Variants in GNG2 observed in about 807,000 individuals in gnomAD.
GNG2 encodes the protein G protein subunit gamma 2, also known as guanine nucleotide-binding protein G(I)/G(S)/G(O) subunit gamma-2.
In GNG2, 5 loss-of-function variants were observed where a neutral mutation model predicts 5.5. That is an observed-to-expected ratio of 0.91 (90% CI 0.48 to 1.92). GNG2 has a LOEUF of 1.92. GNG2 is among the 30% of genes most tolerant of loss of function. The pLI is 0.01. For missense variants in GNG2, 55 were observed against 88.4 expected (o/e 0.62, Z 1.52); for synonymous variants, 28 against 32.0 (o/e 0.88, Z 0.42).
chr14:51,891,416 A>G (rs1424611120), intron 2 of GNG2, among the ~76,000 whole-genome samples: 2 of 152,206 alleles, frequency 1.3e-5, no homozygotes, highest in African/African-American at 2.4e-5. Flanking sequence ...GTATGTGTGT[A>G]TATGTAAAAT....
chr14:51,939,202 A>G (rs951201569), intron 2 of GNG2, among the ~76,000 whole-genome samples: 1 of 152,186 alleles, frequency 6.6e-6, no homozygotes, highest in Admixed American at 6.5e-5. Context: ...GCCAGCTCCC[A>G]TTTATAGATA....
chr14:51,930,260 C>T (rs958583241), intron 2 of GNG2, among the ~76,000 whole-genome samples: 63 of 152,144 alleles, frequency 4.1e-4, no homozygotes, highest in Non-Finnish European at 6.2e-4. Context: ...AAGCCTTGTC[C>T]GGCCCATCCA....
intron 2 of GNG2, among the ~76,000 whole-genome samples, chr14:51,894,809 TC>T (rs1443708517): frequency 3.3e-5 from 5 of 152,142 alleles, no homozygotes; most frequent in African/African-American, 1.2e-4. Flanking sequence ...TGTACTTATT[TC>T]TAAAAACTAG....
intron 2 of GNG2, among the ~76,000 whole-genome samples, chr14:51,855,269 G>T (rs140664623): frequency 0.013 from 2,006 of 152,226 alleles, 29 homozygotes; most frequent in Non-Finnish European, 0.021. Context: ...CATGTCCCTT[G>T]TCCCACTAGC....
rs575045809 is a variant in GNG2, at chr14:51,844,874, C to G, written c.64+17067C>G. ...CTGAGTAGCTGGGATTACAGGCGCA[C>G]GCCACCAGGCCCAGCTAATTTTTTG... On this transcript the variant is annotated intron_variant, in intron 2 of 3. Transcript: ENST00000553432. Among the ~76,000 whole-genome samples the G allele has an allele frequency of 6.6e-5, 10 of 152,246 alleles. No homozygotes were observed. In the South Asian group the frequency reaches 1.0e-3, roughly 16 times the overall value.
chr14:51,836,010 T>C (rs1235043884), intron 2 of GNG2, among the ~76,000 whole-genome samples: 1 of 151,592 alleles, frequency 6.6e-6, no homozygotes, highest in East Asian at 1.9e-4. Context: ...CAATAGAAAT[T>C]TATTTCTCAC....
At chr14:51,965,675 T>A (rs1486625567) in intron 3 of GNG2, among the ~76,000 whole-genome samples, 2 of 152,182 alleles carry the variant, frequency 1.3e-5, no homozygotes, top group Admixed American at 6.5e-5. Context: ...TTCTATATAG[T>A]GTGTGTATAC....
chr14:51,830,538 C>T (rs1881152540), intron 2 of GNG2, among the ~76,000 whole-genome samples: 1 of 152,222 alleles, frequency 6.6e-6, no homozygotes, highest in South Asian at 2.1e-4. Context: ...TCTCCTGGCT[C>T]AGCAAATAAA....
intron 2 of GNG2, among the ~76,000 whole-genome samples, chr14:51,890,957 C>T (rs1307827827): frequency 1.3e-5 from 2 of 151,960 alleles, no homozygotes; most frequent in Non-Finnish European, 2.9e-5. Flanking sequence ...TATAGAGCAT[C>T]TTCAGCAAAG....
chr14:51,886,427 A>C (rs906667093), intron 2 of GNG2, among the ~76,000 whole-genome samples: 1 of 152,176 alleles, frequency 6.6e-6, no homozygotes, highest in African/African-American at 2.4e-5. Flanking sequence ...TTTCATATAA[A>C]CTGAGAACTT....
intron 3 of GNG2, among the ~76,000 whole-genome samples, chr14:51,964,313 A>G (rs537990497): frequency 3.3e-5 from 5 of 152,226 alleles, no homozygotes; most frequent in Non-Finnish European, 7.4e-5. Flanking sequence ...AGTCTCTAAC[A>G]GAATAAATTT....
At chr14:51,870,658 G>C (rs1883238744) in intron 1 of GNG2, among the ~76,000 whole-genome samples, 1 of 152,196 alleles carries the variant, frequency 6.6e-6, no homozygotes, top group Admixed American at 6.5e-5. Flanking sequence ...AAGAAGAATG[G>C]ATCATCTCTG....
chr14:51,948,957 T>TA (rs1314516086), intron 2 of GNG2, among the ~76,000 whole-genome samples: 2 of 151,898 alleles, frequency 1.3e-5, no homozygotes, highest in African/African-American at 4.8e-5. Flanking sequence ...CCGTCTCTAT[T>TA]AAAAATACAA....
At chr14:51,829,982 A>G (rs921920199) in intron 2 of GNG2, among the ~76,000 whole-genome samples, 4 of 152,192 alleles carry the variant, frequency 2.6e-5, no homozygotes, top group East Asian at 1.9e-4. Flanking sequence ...AGCTGGGACA[A>G]CAGGCGTGCA....
intron 1 of GNG2, among the ~76,000 whole-genome samples, chr14:51,867,527 T>C (rs1820893727): frequency 1.3e-5 from 2 of 152,212 alleles, no homozygotes; most frequent in African/African-American, 4.8e-5. Context: ...TTGCAGGAAG[T>C]TGCATGGCTC....
intron 3 of GNG2, among the ~76,000 whole-genome samples, chr14:51,961,999 A>G (rs896433780): frequency 1.3e-5 from 2 of 152,226 alleles, no homozygotes; most frequent in African/African-American, 2.4e-5. Flanking sequence ...TTCTAGCTAC[A>G]GTATGGAGAA....
At chr14:51,911,626 CTCTA>C (rs1478382721) in intron 2 of GNG2, among the ~76,000 whole-genome samples, 4 of 151,124 alleles carry the variant, frequency 2.6e-5, no homozygotes, top group South Asian at 2.1e-4. Context: ...TCACTGTAAC[CTCTA>C]ACTCTTGGGC....
chr14:51,945,133 CAAAA>C (rs138395214), intron 2 of GNG2, among the ~76,000 whole-genome samples: 2 of 150,238 alleles, frequency 1.3e-5, no homozygotes, highest in Non-Finnish European at 3.0e-5. Flanking sequence ...AACAAACAAA[CAAAA>C]AAAACGGAAA....
rs866334700 is a variant in GNG2, at chr14:51,847,896, T to C, written c.64+20089T>C. Among the ~76,000 whole-genome samples the C allele has an allele frequency of 3.5e-3, 515 of 147,620 alleles. 4 individuals are homozygous for C. Among genetic ancestry groups the C allele is most frequent in the South Asian group, 8.9e-3 (41 of 4,612 alleles). On this transcript the variant is annotated intron_variant, in intron 2 of 3. Transcript: ENST00000553432. ...GGTCCTTTTTCTTTTTTTTTTTTTTTTTTTTTTTTTTTGTAAAATGAAAAA... is the reference window on the plus strand; with the variant it reads ...GGTCCTTTTTCTTTTTTTTTTTTTTCTTTTTTTTTTTTGTAAAATGAAAAA...
Sources: gnomAD v4.1 joint callset for allele counts (sites outside exome capture counted in the v4.1 genomes callset) on GRCh38, gnomAD v4.1.1 for gene constraint, MANE v1.5 for transcripts, NCBI Gene and HGNC (gene_info 2026-07-23, HGNC 2026-07-21) for gene names.